FOXO3: variants seen among roughly 807,000 people sequenced by gnomAD.
The protein encoded by FOXO3 is forkhead box O3.
A neutral mutation model predicts 41.9 loss-of-function variants in FOXO3; 4 were observed. The observed-to-expected ratio is 0.10, with a 90% CI of 0.05 to 0.22. The LOEUF (loss-of-function observed/expected upper bound fraction) is 0.22. FOXO3 is among the 10% of genes least tolerant of loss of function. The pLI is 1.00. For synonymous variants in FOXO3, 318 were observed against 389.3 expected (o/e 0.82, Z 2.16); for missense variants, 534 against 906.8 (o/e 0.59, Z 5.28).
upstream of FOXO3, chr6:108,560,907 G>GC (rs1775762086): frequency 2.5e-6 from 3 of 1,199,438 alleles, no homozygotes; most frequent in Non-Finnish European, 3.2e-6. Context: ...TCGCGGCCTG[G>GC]CCGGGGGGCG....
chr6:108,589,373 A>G (rs558437448), intron 1 of FOXO3, among the ~76,000 whole-genome samples: 1 of 152,302 alleles, frequency 6.6e-6, no homozygotes, highest in African/African-American at 2.4e-5. Flanking sequence ...AGACACAAGC[A>G]CAACCCGAAT....
intron 1 of FOXO3, among the ~76,000 whole-genome samples, chr6:108,662,347 T>C (rs1175385674): frequency 6.6e-6 from 1 of 152,220 alleles, no homozygotes; most frequent in Admixed American, 6.5e-5. Context: ...TGAAATAGTG[T>C]TTGTCAGTTT....
intron 1 of FOXO3, among the ~76,000 whole-genome samples, chr6:108,609,470 G>C (rs2128368844): frequency 6.6e-6 from 1 of 152,222 alleles, no homozygotes; most frequent in Admixed American, 6.5e-5. Flanking sequence ...GTAAAGCTGT[G>C]CTCTTGATCT....
chr6:108,684,094 A>G lies in FOXO3; in HGVS notation c.*4302A>G, dbSNP rs1475763975. ...TTTCTTTGATGAATGATTGGTCATG[A>G]GGCCTCTTGCCACACTCCAGAAATA... On this transcript the variant is annotated 3_prime_UTR_variant, in exon 3 of 3. Coordinates refer to ENST00000406360, the MANE Select transcript of FOXO3 (RefSeq NM_001455.4). 6.5e-6 allele frequency: 1 copy of G among 152,748 alleles called. No individual in the cohort carries two copies. Among genetic ancestry groups the G allele is most frequent in the East Asian group, 1.9e-4 (1 of 5,184 alleles). The allele number at this position is 152,748 out of a possible 1,614,324, so 9.5% of individuals were successfully genotyped here.
Position 108,561,534 on chromosome 6 carries a change from G to T in FOXO3, c.326G>T (p.Gly109Val), listed in dbSNP as rs1474762288. Reference sequence around the variant, plus strand: ...CTGGCACCCGGAGGGCAAGACCCCGGGTCTGGGCCAGCCACCGCGGCGGGC... The same window carrying T: ...CTGGCACCCGGAGGGCAAGACCCCGTGTCTGGGCCAGCCACCGCGGCGGGC... Reference protein sequence around the residue: ...RVLAPGGQDPGSGPATAAGGL... With the variant: ...RVLAPGGQDPVSGPATAAGGL... The change falls in exon 1 of 3, where the codon GGG (glycine) becomes GTG (valine). Residue 109 changes from glycine to valine, a missense_variant. This residue lies in a region of FOXO3 where 139 missense variants were observed against 163.7 expected (regional missense o/e 0.85). Transcript: ENST00000406360. The T allele has an allele frequency of 2.1e-6, 3 of 1,442,260 alleles. No individual in the cohort carries two copies. Among genetic ancestry groups the T allele is most frequent in the African/African-American group, 3.0e-5 (2 of 67,428 alleles). The allele number at this position is 1,442,260 out of a possible 1,614,324, so 89.3% of individuals were successfully genotyped here. A position where few individuals can be genotyped will look rare whatever the true frequency, so the allele number is the denominator to read the frequency against.
At chr6:108,622,256 CAA>C (rs984779744) in intron 1 of FOXO3, among the ~76,000 whole-genome samples, 1,301 of 48,388 alleles carry the variant, frequency 0.027, 7 homozygotes, top group African/African-American at 0.062. Flanking sequence ...AAGACTGTCT[CAA>C]AAAAAAAAAA....
intron 1 of FOXO3, among the ~76,000 whole-genome samples, chr6:108,634,519 G>C: frequency 6.6e-6 from 1 of 152,090 alleles, no homozygotes; most frequent in African/African-American, 2.4e-5. Flanking sequence ...CTAATGATTT[G>C]AGCCATAATA....
intron 1 of FOXO3, among the ~76,000 whole-genome samples, chr6:108,573,396 CCTT>C (rs1190618336): frequency 7.9e-5 from 12 of 152,226 alleles, no homozygotes; most frequent in African/African-American, 2.7e-4. Context: ...CCACCTTAAT[CCTT>C]CTGACTCCAT....
At chr6:108,624,445 C>A (rs998700768) in intron 1 of FOXO3, among the ~76,000 whole-genome samples, 8 of 151,886 alleles carry the variant, frequency 5.3e-5, no homozygotes, top group African/African-American at 1.9e-4. Context: ...TTTATCAGGC[C>A]AGTAGGTTTT....
At chr6:108,620,786 A>G (rs1205172446) in intron 1 of FOXO3, among the ~76,000 whole-genome samples, 1 of 152,226 alleles carries the variant, frequency 6.6e-6, no homozygotes, top group Admixed American at 6.5e-5. Flanking sequence ...GAAGAAAATT[A>G]ATATCGTAAA....
intron 1 of FOXO3, among the ~76,000 whole-genome samples, chr6:108,568,626 C>A (rs1279676657): frequency 6.6e-6 from 1 of 152,194 alleles, no homozygotes; most frequent in African/African-American, 2.4e-5. Flanking sequence ...ATTTTATAAT[C>A]AACCCATATG....
intron 1 of FOXO3, chr6:108,618,034 T>C (rs963268942): frequency 7.4e-6 from 5 of 675,556 alleles, no homozygotes; most frequent in African/African-American, 3.5e-5. Context: ...TTGGAACACG[T>C]CAATCGTATC....
At chr6:108,569,376 T>TA (rs1776028109) in intron 1 of FOXO3, among the ~76,000 whole-genome samples, 2 of 152,226 alleles carry the variant, frequency 1.3e-5, no homozygotes, top group South Asian at 4.1e-4. Flanking sequence ...CCCAGTATCT[T>TA]AGTCTCTCCT....
At chr6:108,609,830 C>T (rs965940016) in intron 1 of FOXO3, among the ~76,000 whole-genome samples, 4 of 152,298 alleles carry the variant, frequency 2.6e-5, no homozygotes, top group Admixed American at 6.5e-5. Flanking sequence ...GCTGCTAACA[C>T]GCCTGGAGGA....
chr6:108,612,309 C>T (rs941556001), intron 1 of FOXO3, among the ~76,000 whole-genome samples: 2 of 152,068 alleles, frequency 1.3e-5, no homozygotes, highest in African/African-American at 4.8e-5. Context: ...GTTGTAACTG[C>T]TAAACTCATG....
chr6:108,636,157 C>T (rs1365501136), intron 1 of FOXO3, among the ~76,000 whole-genome samples: 1 of 152,208 alleles, frequency 6.6e-6, no homozygotes, highest in Non-Finnish European at 1.5e-5. Flanking sequence ...CTGCCTGCTT[C>T]TGGGGAGGAA....
At chr6:108,647,407 A>G (rs1001067164) in intron 1 of FOXO3, among the ~76,000 whole-genome samples, 4 of 152,134 alleles carry the variant, frequency 2.6e-5, no homozygotes, top group African/African-American at 9.7e-5. Flanking sequence ...AGTTGACCCT[A>G]ATTTACTCCT....
At chr6:108,611,848 C>G (rs1234091930) in intron 1 of FOXO3, among the ~76,000 whole-genome samples, 2 of 152,184 alleles carry the variant, frequency 1.3e-5, no homozygotes, top group East Asian at 3.9e-4. Context: ...GTCCTAACAA[C>G]TAAAGAGCTA....
At chr6:108,669,091 T>C (rs1779141637) in intron 2 of FOXO3, among the ~76,000 whole-genome samples, 1 of 152,102 alleles carries the variant, frequency 6.6e-6, no homozygotes, top group Non-Finnish European at 1.5e-5. Flanking sequence ...GCAGCCTGGG[T>C]GACAGAGCAA....
Sources: allele counts gnomAD v4.1 joint callset (sites outside exome capture counted in the v4.1 genomes callset), GRCh38; gene constraint gnomAD v4.1.1; regional missense constraint gnomAD v4.1.1; transcripts MANE v1.5; gene names NCBI Gene and HGNC (gene_info 2026-07-23, HGNC 2026-07-21).